CCDC195: variants seen among roughly 807,000 people sequenced by gnomAD.
CCDC195 encodes coiled-coil domain-containing protein 195.
At chr2:224,706,916 C>T (rs997207402) in intron 2 of CCDC195, among the ~76,000 whole-genome samples, 12 of 151,536 alleles carry the variant, frequency 7.9e-5, no homozygotes, top group Middle Eastern at 3.2e-3. Context: ...TACACACACG[C>T]GCACTTTTTT....
At chr2:224,705,680 G>T (rs2124846703) in intron 2 of CCDC195, among the ~76,000 whole-genome samples, 1 of 152,210 alleles carries the variant, frequency 6.6e-6, no homozygotes. Flanking sequence ...GAATATAAAA[G>T]ACACATTTAA....
At chr2:224,709,821 T>G (rs920608393) in intron 2 of CCDC195, among the ~76,000 whole-genome samples, 152 bp downstream of exon 2, 1 of 152,242 alleles carries the variant, frequency 6.6e-6, no homozygotes, top group African/African-American at 2.4e-5. Flanking sequence ...TTACTTTAAA[T>G]TCCCAAAATT....
At chr2:224,703,886 C>T in exon 3 of CCDC195, 1 of 398,480 alleles carries the variant, frequency 2.5e-6, no homozygotes, top group Non-Finnish European at 4.4e-6. Flanking sequence ...TTTGTCTTGT[C>T]CCTACAGGAA....
intron 1 of CCDC195, among the ~76,000 whole-genome samples, chr2:224,711,368 T>G (rs72966974): frequency 1.3e-5 from 2 of 151,852 alleles, no homozygotes; most frequent in East Asian, 1.9e-4. Context: ...CCTGTTTTTT[T>G]TTTTTTTTTT....
chr2:224,703,920 C>G (rs1298475061), intron 2 of CCDC195, 33 bp from the exon 3 acceptor site: 1 of 398,200 alleles, frequency 2.5e-6, no homozygotes, highest in Non-Finnish European at 4.4e-6. Context: ...AAGAAAAAGA[C>G]TTTTTAGTGA....
chr2:224,706,792 G>A (rs978255436), intron 2 of CCDC195, among the ~76,000 whole-genome samples: 7 of 150,616 alleles, frequency 4.6e-5, no homozygotes, highest in African/African-American at 1.5e-4. Context: ...TTACAGGCAT[G>A]AGCCACCGCG....
chr2:224,711,847 G>C (rs528706036), intron 1 of CCDC195, among the ~76,000 whole-genome samples: 2 of 152,284 alleles, frequency 1.3e-5, no homozygotes, highest in African/African-American at 4.8e-5. Context: ...TCTAGGGAGA[G>C]TTTAAGTTCA....
chr2:224,710,041 A>G, exon 2 of CCDC195: 1 of 398,600 alleles, frequency 2.5e-6, no homozygotes, highest in Non-Finnish European at 4.4e-6. Flanking sequence ...AATCTGTGGC[A>G]AACACCTTTT....
intron 2 of CCDC195, among the ~76,000 whole-genome samples, chr2:224,707,972 TTCCCTCCCTCCCTCCCTCCC>T (rs145247434): frequency 1.7e-5 from 1 of 59,104 alleles, no homozygotes; most frequent in Non-Finnish European, 3.0e-5. Flanking sequence ...CCCTCCCTTC[TTCCCTCCCTCCCTCCCTCCC>T]TCCCTCCCTT....
chr2:224,708,938 C>T (rs73996446), intron 2 of CCDC195, among the ~76,000 whole-genome samples: 3,272 of 152,126 alleles, frequency 0.022, 135 homozygotes, highest in African/African-American at 0.075. Flanking sequence ...AGAGAGGGGG[C>T]AGTGCATGCT....
chr2:224,713,181 C>G (rs1028318155), intron 1 of CCDC195, among the ~76,000 whole-genome samples: 3 of 152,068 alleles, frequency 2.0e-5, no homozygotes, highest in Non-Finnish European at 4.4e-5. Flanking sequence ...ACGTTCCTTT[C>G]TAGTAACAGA....
rs59559911 is a variant in CCDC195, at chr2:224,713,803, A to ATTT, written c.235+2325_235+2327dup. Among the ~76,000 whole-genome samples the ATTT allele has an allele frequency of 4.0e-3, 549 of 136,536 alleles. 15 individuals carry two copies. The highest frequency in any genetic ancestry group is 7.5e-3 in the Middle Eastern group (2 of 268). The allele number at this position is 136,536 out of a possible 152,430, so 89.6% of individuals were successfully genotyped here. A position where few individuals can be genotyped will look rare whatever the true frequency, so the allele number is the denominator to read the frequency against. ...ATTTTATCAAATATTTTTCACCAGT[A>ATTT]TTTTTTTTTTTTTTTTTGAGACAAG... On this transcript the variant is annotated intron_variant, in intron 1 of 2. Transcript: ENST00000638102.
chr2:224,712,581 C>G (rs540195125), intron 1 of CCDC195, among the ~76,000 whole-genome samples: 1 of 152,294 alleles, frequency 6.6e-6, no homozygotes, highest in South Asian at 2.1e-4. Context: ...TCTCCATTCA[C>G]AGAGAGCCTC....
At chr2:224,704,620 T>C (rs1432349678) in intron 2 of CCDC195, among the ~76,000 whole-genome samples, 2 of 139,268 alleles carry the variant, frequency 1.4e-5, no homozygotes, top group African/African-American at 5.3e-5. Context: ...CTTTTTTTTT[T>C]TTTTTTCTTT....
intron 1 of CCDC195, among the ~76,000 whole-genome samples, chr2:224,711,498 G>A (rs2124852487): frequency 6.6e-6 from 1 of 152,008 alleles, no homozygotes; most frequent in East Asian, 1.9e-4. Flanking sequence ...CCTCTACTTG[G>A]AGGTCTGGTG....
At chr2:224,716,075 T>C (rs1175903500) in intron 1 of CCDC195, 56 bp downstream of exon 1, 1 of 397,876 alleles carries the variant, frequency 2.5e-6, no homozygotes, top group African/African-American at 2.1e-5. Flanking sequence ...CACTTAACTA[T>C]TTCACGATAT....
chr2:224,706,736 C>G (rs1339765097), intron 2 of CCDC195, among the ~76,000 whole-genome samples: 1 of 150,922 alleles, frequency 6.6e-6, no homozygotes, highest in Non-Finnish European at 1.5e-5. Flanking sequence ...TCTCGAACTC[C>G]TGACCTCAGG....
chr2:224,706,904 T>TAC (rs202207473), intron 2 of CCDC195, among the ~76,000 whole-genome samples: 3,678 of 149,306 alleles, frequency 0.025, 70 homozygotes, highest in South Asian at 0.043. Context: ...TATATATATA[T>TAC]ATACACACAC....
chr2:224,704,863 C>G (rs1697223302), intron 2 of CCDC195, among the ~76,000 whole-genome samples: 1 of 152,160 alleles, frequency 6.6e-6, no homozygotes. Flanking sequence ...TTCAAGTGAT[C>G]TGCCTGCCTT....
Sources: gnomAD v4.1 joint callset for allele counts (sites outside exome capture counted in the v4.1 genomes callset) on GRCh38, gnomAD v4.1.1 for gene constraint, MANE v1.5 for transcripts, NCBI Gene and HGNC (gene_info 2026-07-23, HGNC 2026-07-21) for gene names.